ABCA7: variants seen among roughly 807,000 people sequenced by gnomAD.
ABCA7 encodes phospholipid-transporting ATPase ABCA7.
ABCA7 carries 261 observed loss-of-function variants against 227.6 expected under a neutral mutation model. The observed-to-expected ratio is 1.15, with a 90% confidence interval of 1.04 to 1.27. The LOEUF (loss-of-function observed/expected upper bound fraction) is 1.27. Among genes scored for constraint, ABCA7 ranks in the 50% most tolerant of loss-of-function variants. ABCA7 has a pLI of 0.00. For missense variants in ABCA7, 3,331 were observed against 2,924.5 expected, an observed-to-expected ratio of 1.14 and a Z score of -3.21; for synonymous variants, 1,488 against 1,279.7, an observed-to-expected ratio of 1.16 and a Z score of -3.47.
At chr19:1,065,244 GT>G in intron 46 of ABCA7, 25 bp from the exon 47 acceptor site, 1 of 1,611,704 alleles carries the variant, frequency 6.2e-7, no homozygotes, top group Non-Finnish European at 8.5e-7. Flanking sequence ...CGTCCCTCTT[GT>G]CCCCTCTGGG....
At chr19:1,057,105 G>T in intron 34 of ABCA7, 21 bp downstream of exon 34, 1 of 1,603,248 alleles carries the variant, frequency 6.2e-7, no homozygotes, top group Non-Finnish European at 8.5e-7. Flanking sequence ...TGCTTGGACG[G>T]GTGGGGGCCC....
intron 13 of ABCA7, 54 bp from the exon 14 acceptor site, chr19:1,046,748 G>T: frequency 6.7e-7 from 1 of 1,481,738 alleles, no homozygotes; most frequent in Non-Finnish European, 9.1e-7. Context: ...ATGGTGGGCG[G>T]AGGGGGGGTC....
rs550469273 is a variant in ABCA7 at position 1,052,169 on chromosome 19, G to C, written c.3147+43G>C. 6.2e-6 allele frequency: 10 copies of C among 1,603,638 alleles called. No homozygotes were observed. The South Asian group carries it at 1.1e-4, about 18-fold the overall frequency. Reference sequence around the variant, plus strand: ...CCTGACCCCTGACCCCCGGGACTCTGTTCAGCCCTGAAGGCCAAGCCACTT... The same window carrying C: ...CCTGACCCCTGACCCCCGGGACTCTCTTCAGCCCTGAAGGCCAAGCCACTT... On this transcript the variant is annotated intron_variant, in intron 22 of 46. Transcript: ENST00000263094.
rs2042963216 is a variant in ABCA7, at chr19:1,065,139, G to A, written c.6253G>A (p.Asp2085Asn). The A allele has an allele frequency of 1.3e-6, 2 of 1,591,586 alleles. No individual in the cohort carries two copies. The highest frequency in any genetic ancestry group is 1.7e-6 in the Non-Finnish European group (2 of 1,166,894). Residue 2085 changes from aspartate (D) to asparagine (N), a missense_variant, in exon 46 of 47, where the codon GAC becomes AAC. Physicochemically the swap from Asp to Asn is conservative, Grantham distance 23 (BLOSUM62 1). Coordinates refer to ENST00000263094, the MANE Select transcript of ABCA7 (RefSeq NM_019112.4). ...AVHGAEHGVE[D>N]FSVSQTMLEE... ...GCACGGCGCAGAGCACGGCGTGGAG[G>A]ACTTTTCCGTGAGCCAGACGATGCT...
intron 5 of ABCA7, 58 bp downstream of exon 5, chr19:1,042,234 C>T (rs1281188721): frequency 1.5e-5 from 23 of 1,579,108 alleles, no homozygotes; most frequent in Non-Finnish European, 1.7e-5. Flanking sequence ...CTTGCCGGGC[C>T]GTGAAATGGG....
chr19:1,064,500 T>C (rs1022442353), intron 45 of ABCA7, among the ~76,000 whole-genome samples: 4 of 151,034 alleles, frequency 2.6e-5, no homozygotes, highest in African/African-American at 9.8e-5. Flanking sequence ...CAGGTGTGCG[T>C]TGGAGTAGGT....
In ABCA7 at chr19:1,050,507, C is replaced by G. The variant is rs183162363; in HGVS notation, c.2553-414C>G. 7.9e-5 allele frequency among the ~76,000 whole-genome samples: 12 copies of G among 152,072 alleles called. 1 individual carries two copies. The highest frequency in any genetic ancestry group is 7.2e-4 in the Admixed American group (11 of 15,272). On this transcript the variant is annotated intron_variant, in intron 18 of 46. Coordinates refer to ENST00000263094, the MANE Select transcript of ABCA7 (RefSeq NM_019112.4). ...TGCTCTGTGGCCAGGCGTGGTGGCT[C>G]AGGCCTGCAATCCCAGCACTTTGGG... is the stretch of plus-strand genomic sequence containing the variant.
chr19:1,062,270 T>C lies in ABCA7; in HGVS notation c.5669T>C (p.Leu1890Pro), dbSNP rs766873078. 8 of 1,610,662 alleles carry C rather than the reference T, an allele frequency of 5.0e-6. No individual in the cohort carries two copies. In the South Asian group the frequency reaches 8.8e-5, roughly 18 times the overall value. The change falls in exon 42 of 47, where the codon CTG becomes CCG. Residue 1890 changes from leucine (L) to proline (P), a missense_variant. By Grantham distance (98) the Leu-to-Pro change is moderately conservative. Coordinates refer to ENST00000263094, the MANE Select transcript of ABCA7 (RefSeq NM_019112.4). ...CTGACGGGCCGCGAGCACCTGGAGC[T>C]GCTTGCGCGCCTGCGCGGTGTCCCG... ...ELLTGREHLE[L>P]LARLRGVPEA...
At chr19:1,060,195 G>GTATA (rs138175754) in intron 40 of ABCA7, among the ~76,000 whole-genome samples, 804 of 53,470 alleles carry the variant, frequency 0.015, 13 homozygotes, top group African/African-American at 0.031. Context: ...ACACATTGCA[G>GTATA]TATATATATA....
chr19:1,045,974 TCCAG>T (rs150593211), intron 12 of ABCA7, among the ~76,000 whole-genome samples: 31,593 of 152,052 alleles, frequency 0.21, 3,959 homozygotes, highest in Middle Eastern at 0.34. Flanking sequence ...GCCACTGCAC[TCCAG>T]CCTGGGCGAT....
chr19:1,041,918 C>T lies in ABCA7; in HGVS notation c.248C>T (p.Pro83Leu), dbSNP rs775154986. 24 of 1,600,446 alleles carry T rather than the reference C, an allele frequency of 1.5e-5. No individual in the cohort carries two copies. Among genetic ancestry groups the T allele is most frequent in the Admixed American group, 5.1e-5 (3 of 59,018 alleles). Reference sequence around the variant, plus strand: ...TGTAATGTGAACAACACCTGCTTTCCGCAGCTGACACCGGGCGAGGAGCCC... The same window carrying T: ...TGTAATGTGAACAACACCTGCTTTCTGCAGCTGACACCGGGCGAGGAGCCC... ...LICNVNNTCF[P>L]QLTPGEEPGR... Residue 83 changes from proline (P) to leucine (L), a missense_variant, in exon 4 of 47, where the codon CCG becomes CTG. Pro to Leu is a moderately conservative substitution (Grantham distance 98, BLOSUM62 -3). Transcript: ENST00000263094.
Position 1,051,278 on chromosome 19 carries a change from G to C in ABCA7, c.2808G>C (p.Gln936His), listed in dbSNP as rs768154494. ...DVGLVSKQSV[Q>H]TRHLSGGMQR... ...GGCTGGTCTCCAAGCAGAGTGTGCA[G>C]ACTCGCCACCTCTCTGGTGAGCCCA... Residue 936 changes from glutamine to histidine, a missense_variant, in exon 20 of 47, where the codon CAG (glutamine) becomes CAC (histidine). Gln to His is a conservative substitution (Grantham distance 24). Transcript: ENST00000263094. 9 of 1,601,620 alleles carry C rather than the reference G, an allele frequency of 5.6e-6. No individual in the cohort carries two copies. The South Asian group carries it at 1.0e-4, about 18-fold the overall frequency.
intron 44 of ABCA7, 81 bp downstream of exon 44, chr19:1,063,944 G>C: frequency 6.9e-7 from 1 of 1,447,210 alleles, no homozygotes; most frequent in Non-Finnish European, 9.1e-7. Flanking sequence ...AAGGCCACAG[G>C]GGATGGGGGG....
At chr19:1,044,113 T>A (rs903467502) in intron 10 of ABCA7, among the ~76,000 whole-genome samples, 8 of 151,616 alleles carry the variant, frequency 5.3e-5, no homozygotes, top group African/African-American at 1.2e-4. Flanking sequence ...ATTTTTTTTT[T>A]TTATTTTTAG....
At chr19:1,050,666 G>A (rs1390595853) in intron 18 of ABCA7, among the ~76,000 whole-genome samples, 1 of 150,320 alleles carries the variant, frequency 6.7e-6, no homozygotes, top group African/African-American at 2.4e-5. Flanking sequence ...TGTAGTCCCA[G>A]CTACTCGGGA....
chr19:1,050,631 T>C (rs891612378), intron 18 of ABCA7, among the ~76,000 whole-genome samples: 1 of 146,702 alleles, frequency 6.8e-6, no homozygotes, highest in Non-Finnish European at 1.5e-5. Flanking sequence ...TGCAAAAAAA[T>C]TAGCCGGACA....
intron 11 of ABCA7, 42 bp downstream of exon 11, chr19:1,044,786 G>A (rs1480921053): frequency 6.4e-7 from 1 of 1,555,564 alleles, no homozygotes. Flanking sequence ...CAGTGGGGAG[G>A]GCAGGTCCCA....
In ABCA7 at chr19:1,051,516, C is replaced by G. The variant is rs117390715; in HGVS notation, c.2892C>G (p.Asp964Glu). The change falls in exon 21 of 47, where the codon GAC becomes GAG. Residue 964 changes from aspartate to glutamate, a missense_variant. By Grantham distance (45) the Asp-to-Glu change is conservative. Transcript: ENST00000263094. Reference protein sequence around the residue: ...FVGGSQVVILDEPTAGVDPAS... With the variant: ...FVGGSQVVILEEPTAGVDPAS... ...GCGGCTCCCAAGTTGTTATCCTGGA[C>G]GAGCCTACGGCTGGCGTGGATCCTG... The G allele has an allele frequency of 4.7e-4, 760 of 1,612,646 alleles. 8 individuals carry two copies. In the East Asian group the frequency reaches 0.013, roughly 28 times the overall value.
At position 1,044,615 on chromosome 19, in the gene ABCA7, C is replaced by G. The variant is rs757137311; in HGVS notation, c.1086C>G (p.Pro362=). 6.1e-5 allele frequency: 98 copies of G among 1,613,076 alleles called. No homozygotes were observed. The highest frequency in any genetic ancestry group is 8.1e-5 in the Non-Finnish European group (95 of 1,179,948). Residue 362 remains proline (P), a synonymous_variant, in exon 11 of 47, where the codon CCC becomes CCG. Transcript: ENST00000263094. ...TGCAGGATGAAGGAAGAAGGCAGCC[C>G]AGACCTGGAGGCCGGGACCACATGG... ...LQMQDEGRRQ[P]RPGGRDHMEA... is the part of the protein sequence containing the mutation.
Sources: gnomAD v4.1 joint callset for allele counts (sites outside exome capture counted in the v4.1 genomes callset) on GRCh38, gnomAD v4.1.1 for gene constraint, MANE v1.5 for transcripts, NCBI Gene and HGNC (gene_info 2026-07-23, HGNC 2026-07-21) for gene names.